Variants in SIPA1L3 observed in about 807,000 individuals in gnomAD.
SIPA1L3 encodes the protein signal induced proliferation associated 1 like 3, also known as signal-induced proliferation-associated 1-like protein 3.
SIPA1L3 carries 59 observed loss-of-function variants against 150.1 expected under a neutral mutation model. That is an observed-to-expected ratio of 0.39 (90% CI 0.32 to 0.49). The LOEUF (loss-of-function observed/expected upper bound fraction) is 0.49. Ranked by LOEUF, SIPA1L3 falls within the 20% of genes least tolerant of loss-of-function variation. SIPA1L3 has a pLI of 0.86. For missense variants in SIPA1L3, 2,211 were observed against 2,489.5 expected (o/e 0.89, Z 2.38); for synonymous variants, 1,070 against 1,077.6 (o/e 0.99, Z 0.14).
intron 4 of SIPA1L3, among the ~76,000 whole-genome samples, chr19:38,090,588 CAGAG>C (rs902447379): frequency 6.6e-6 from 1 of 152,210 alleles, no homozygotes; most frequent in African/African-American, 2.4e-5. Context: ...GCAGAAATGA[CAGAG>C]AGGCCCAGAA....
chr19:38,138,056 A>C (rs1372493910), intron 10 of SIPA1L3, among the ~76,000 whole-genome samples: 1 of 152,074 alleles, frequency 6.6e-6, no homozygotes. Context: ...GCTTGAACCC[A>C]ATAGGCGAAG....
At chr19:38,054,529 C>T (rs1969273568) in intron 2 of SIPA1L3, among the ~76,000 whole-genome samples, 1 of 152,204 alleles carries the variant, frequency 6.6e-6, no homozygotes, top group Admixed American at 6.5e-5. Flanking sequence ...TCACTTGAAC[C>T]TGATCTCAGC....
chr19:38,050,471 CAAA>C (rs999879765), intron 2 of SIPA1L3, among the ~76,000 whole-genome samples: 138 of 152,238 alleles, frequency 9.1e-4, no homozygotes, highest in African/African-American at 3.3e-3. Flanking sequence ...ACAACAACAA[CAAA>C]AAAACAGCGC....
At position 38,101,238 on chromosome 19, in the gene SIPA1L3, G is replaced by A. The variant is rs774021901; in HGVS notation, c.2029+12G>A. 2.6e-5 allele frequency: 40 copies of A among 1,518,052 alleles called. No individual in the cohort carries two copies. Among genetic ancestry groups the A allele is most frequent in the Non-Finnish European group, 3.6e-5 (40 of 1,126,658 alleles). 94.0% of individuals were successfully genotyped at this position (1,518,052 alleles called of 1,614,324 possible). ...GCTGGACGTCAAGAGTAAGTAGGGG[G>A]CCGGTTAGATCACAGTGAGCCACCA... is the stretch of plus-strand genomic sequence containing the variant. On this transcript the variant is annotated intron_variant, in intron 6 of 21. Coordinates refer to ENST00000222345, the MANE Select transcript of SIPA1L3 (RefSeq NM_015073.3).
chr19:38,011,339 G>A (rs780308223), intron 1 of SIPA1L3, among the ~76,000 whole-genome samples: 1 of 152,116 alleles, frequency 6.6e-6, no homozygotes, highest in Non-Finnish European at 1.5e-5. Flanking sequence ...AACCAGGCAT[G>A]GTGATGTGCG....
At chr19:38,103,992 G>A (rs1043924094) in intron 6 of SIPA1L3, among the ~76,000 whole-genome samples, 5 of 152,080 alleles carry the variant, frequency 3.3e-5, no homozygotes, top group African/African-American at 1.2e-4. Flanking sequence ...AGCTGGGTGG[G>A]TGGATGGGTA....
chr19:37,983,050 T>G (rs1405603552), intron 1 of SIPA1L3, among the ~76,000 whole-genome samples: 2 of 152,204 alleles, frequency 1.3e-5, no homozygotes, highest in Non-Finnish European at 2.9e-5. Flanking sequence ...TTAGTTGATC[T>G]ATGCAAAATG....
chr19:38,025,399 G>T (rs1968484372), intron 1 of SIPA1L3, among the ~76,000 whole-genome samples: 1 of 152,194 alleles, frequency 6.6e-6, no homozygotes, highest in Admixed American at 6.5e-5. Context: ...GGGGCCCTGG[G>T]ATAAGCAGGG....
intron 8 of SIPA1L3, among the ~76,000 whole-genome samples, chr19:38,111,582 C>T (rs1970744710): frequency 6.6e-6 from 1 of 152,208 alleles, no homozygotes; most frequent in Admixed American, 6.5e-5. Context: ...GCGAAATTAC[C>T]GCGGGTCTAC....
intron 1 of SIPA1L3, among the ~76,000 whole-genome samples, chr19:37,980,894 A>G (rs1967185752): frequency 6.6e-6 from 1 of 152,226 alleles, no homozygotes; most frequent in Non-Finnish European, 1.5e-5. Flanking sequence ...GGGAGGTTTC[A>G]GGCCTGTTCC....
At position 38,106,447 on chromosome 19, in the gene SIPA1L3, C is replaced by T. The variant is rs57575287; in HGVS notation, c.2030-90C>T. ...TAAGAGTAGATTGAAGTGAAAGCACCAAGTTAAAAACCAGCACAGATGGTA... is the reference window on the plus strand; with the variant it reads ...TAAGAGTAGATTGAAGTGAAAGCACTAAGTTAAAAACCAGCACAGATGGTA... On this transcript the variant is annotated intron_variant, in intron 6 of 21. Coordinates refer to ENST00000222345, the MANE Select transcript of SIPA1L3 (RefSeq NM_015073.3). The T allele has an allele frequency of 3.9e-3, 3,284 of 849,896 alleles. 77 individuals are homozygous for T. In the African/African-American group the frequency reaches 0.048, roughly 12 times the overall value. 52.6% of individuals were successfully genotyped at this position (849,896 alleles called of 1,614,324 possible).
chr19:38,100,024 C>T lies in SIPA1L3; in HGVS notation c.1728C>T (p.Thr576=), dbSNP rs368773539. 77 of 1,611,198 alleles carry T rather than the reference C, an allele frequency of 4.8e-5. No individual in the cohort carries two copies. In the Middle Eastern group the frequency reaches 5.0e-4, roughly 10 times the overall value. ...DATPTATKHG[T]GRGLPLKDAL... ...CGCCCACAGCCACCAAGCATGGGAC[C>T]GGGCGGGGCCTGCCCTTGAAGGATG... The change falls in exon 5 of 22, where the codon ACC becomes ACT. Residue 576 remains threonine, a synonymous_variant. Coordinates refer to ENST00000222345, the MANE Select transcript of SIPA1L3 (RefSeq NM_015073.3).
chr19:38,101,035 C>T lies in SIPA1L3; in HGVS notation c.1855-17C>T. Reference sequence around the variant, plus strand: ...TCTGCCTGGCCTGCCTCCACAAAGCCACTCTTGCCTCTGCAGCTCTGCCGG... The same window carrying T: ...TCTGCCTGGCCTGCCTCCACAAAGCTACTCTTGCCTCTGCAGCTCTGCCGG... On this transcript the variant is annotated splice_polypyrimidine_tract_variant and intron_variant, in intron 5 of 21. Coordinates refer to ENST00000222345, the MANE Select transcript of SIPA1L3 (RefSeq NM_015073.3). 6.6e-7 allele frequency: 1 copy of T among 1,519,522 alleles called. No individual in the cohort carries two copies. Among genetic ancestry groups the T allele is most frequent in the Non-Finnish European group, 8.8e-7 (1 of 1,132,102 alleles). 94.1% of individuals were successfully genotyped at this position (1,519,522 alleles called of 1,614,324 possible).
intron 1 of SIPA1L3, among the ~76,000 whole-genome samples, chr19:37,943,054 T>G (rs1013071824): frequency 7.0e-6 from 1 of 142,578 alleles, no homozygotes; most frequent in South Asian, 2.3e-4. Context: ...TTTTTTTTTT[T>G]GTAGAGACAG....
chr19:37,926,986 C>T (rs1024264066), intron 1 of SIPA1L3, among the ~76,000 whole-genome samples: 1 of 150,846 alleles, frequency 6.6e-6, no homozygotes, highest in Non-Finnish European at 1.5e-5. Flanking sequence ...CAAGGTCAGG[C>T]AGCTAAAAAA....
intron 16 of SIPA1L3, chr19:38,182,964 C>T (rs980593339): frequency 1.5e-5 from 8 of 521,210 alleles, no homozygotes; most frequent in East Asian, 6.3e-5. Flanking sequence ...AAGAGAAGCA[C>T]GCAATAGGTC....
intron 1 of SIPA1L3, among the ~76,000 whole-genome samples, chr19:37,908,771 A>C (rs886795163): frequency 3.9e-5 from 6 of 152,138 alleles, no homozygotes; most frequent in African/African-American, 1.4e-4. Context: ...CCTAAGAAGA[A>C]ATGGGTCTGA....
At chr19:38,127,945 A>G (rs932900088) in intron 9 of SIPA1L3, among the ~76,000 whole-genome samples, 1 of 151,824 alleles carries the variant, frequency 6.6e-6, no homozygotes, top group African/African-American at 2.4e-5. Flanking sequence ...TCCAAGATAA[A>G]GGTACCCGCA....
At chr19:38,111,771 C>G (rs62121433) in intron 8 of SIPA1L3, among the ~76,000 whole-genome samples, 3 of 152,222 alleles carry the variant, frequency 2.0e-5, no homozygotes, top group Non-Finnish European at 4.4e-5. Context: ...CCCTGCCCAT[C>G]GGTTCCTGGA....
Sources: allele counts gnomAD v4.1 joint callset (sites outside exome capture counted in the v4.1 genomes callset), GRCh38; gene constraint gnomAD v4.1.1; transcripts MANE v1.5; gene names NCBI Gene and HGNC (gene_info 2026-07-23, HGNC 2026-07-21).